PUS7: variants seen among roughly 807,000 people sequenced by gnomAD.
PUS7 encodes pseudouridylate synthase 7 homolog.
Under a neutral mutation model 79.8 loss-of-function variants are expected in PUS7, and 48 were observed. That is an observed-to-expected ratio of 0.60 (90% CI 0.48 to 0.76). The LOEUF (loss-of-function observed/expected upper bound fraction) is 0.76. Ranked by LOEUF, PUS7 falls within the 30% of genes least tolerant of loss-of-function variation. The probability of loss-of-function intolerance (pLI) is 0.00; values close to 1 mark genes in which losing one functional copy is unlikely to be tolerated. For synonymous variants in PUS7, 286 were observed against 272.2 expected, an observed-to-expected ratio of 1.05 and a Z score of -0.50; for missense variants, 729 against 797.6, an observed-to-expected ratio of 0.91 and a Z score of 1.04.
chr7:105,493,283 G>T (rs1393511631), intron 6 of PUS7, among the ~76,000 whole-genome samples: 2 of 152,208 alleles, frequency 1.3e-5, no homozygotes, highest in Non-Finnish European at 2.9e-5. Context: ...AGTTAACTAA[G>T]AAGTATTTTA....
At chr7:105,515,791 T>TTTTTTTTATTTA (rs1554353689) in intron 1 of PUS7, among the ~76,000 whole-genome samples, 2 of 121,240 alleles carry the variant, frequency 1.6e-5, no homozygotes, top group African/African-American at 6.4e-5. Flanking sequence ...TTTTATTTTA[T>TTTTTTTTATTTA]TTTATTTATT....
rs529240698 is a variant in PUS7 at position 105,475,416 on chromosome 7, A to C, written c.1176-3223T>G. ...TAGCCAGGATGGTCTCGATCTCCTG[A>C]CCTTGTGATCTGCCCCCCTTGGCCT... On this transcript the variant is annotated intron_variant, in intron 9 of 15. Transcript: ENST00000469408. Among the ~76,000 whole-genome samples the C allele has an allele frequency of 3.9e-5, 6 of 151,932 alleles. No homozygotes were observed. The South Asian group carries it at 1.2e-3, about 32-fold the overall frequency.
chr7:105,506,475 T>G (rs1343150825), intron 2 of PUS7, among the ~76,000 whole-genome samples: 2 of 151,214 alleles, frequency 1.3e-5, no homozygotes, highest in South Asian at 2.1e-4. Context: ...TAGGCTGGAG[T>G]GCAGTGGCTC....
intron 7 of PUS7, 88 bp downstream of exon 7, chr7:105,491,452 A>C: frequency 1.2e-6 from 1 of 801,992 alleles, no homozygotes. Flanking sequence ...TAAAGCTGAG[A>C]GAGAAACCCC....
intron 14 of PUS7, among the ~76,000 whole-genome samples, chr7:105,461,315 T>A (rs1401245904): frequency 1.3e-5 from 2 of 152,238 alleles, no homozygotes; most frequent in Admixed American, 6.5e-5. Flanking sequence ...ATTTCTTCAA[T>A]AATTCAGTGA....
intron 1 of PUS7, among the ~76,000 whole-genome samples, chr7:105,511,306 T>C (rs113982057): frequency 2.6e-5 from 4 of 151,600 alleles, no homozygotes; most frequent in African/African-American, 9.7e-5. Flanking sequence ...GTGCTGAGAT[T>C]ACAGGCGTGA....
rs866732772 is a variant in PUS7, at chr7:105,496,230, G to T, written c.731-977C>A. Among the ~76,000 whole-genome samples, 115 of 36,478 alleles carry T rather than the reference G, an allele frequency of 3.2e-3. 1 individual carries two copies. Among genetic ancestry groups the T allele is most frequent in the East Asian group, 0.027 (29 of 1,058 alleles). 23.9% of individuals were successfully genotyped at this position (36,478 alleles called of 152,430 possible). A position where few individuals can be genotyped will look rare whatever the true frequency, so the allele number is the denominator to read the frequency against. ...ATATATATATATATATATATATAGAGAGAGAGAGAGAGAGAGAGAGAGAGG... is the reference window on the plus strand; with the variant it reads ...ATATATATATATATATATATATAGATAGAGAGAGAGAGAGAGAGAGAGAGG... On this transcript the variant is annotated intron_variant, in intron 5 of 15. Transcript: ENST00000469408.
At chr7:105,488,223 T>G (rs1824634336) in intron 7 of PUS7, among the ~76,000 whole-genome samples, 1 of 152,144 alleles carries the variant, frequency 6.6e-6, no homozygotes, top group Admixed American at 6.6e-5. Context: ...CTTCAACTAT[T>G]CTAAGACTTC....
At chr7:105,499,166 T>C (rs1225723612) in intron 5 of PUS7, among the ~76,000 whole-genome samples, 4 of 152,256 alleles carry the variant, frequency 2.6e-5, no homozygotes, top group Non-Finnish European at 4.4e-5. Context: ...GCTAAACTGA[T>C]AGACAGGTTT....
chr7:105,505,141 C>T (rs926170204), intron 4 of PUS7, among the ~76,000 whole-genome samples: 8 of 151,642 alleles, frequency 5.3e-5, no homozygotes, highest in Non-Finnish European at 1.2e-4. Context: ...GCTGGGACTA[C>T]AGGCCTGCGC....
At chr7:105,495,319 T>A (rs953204897) in intron 5 of PUS7, 66 bp from the exon 6 acceptor site, 1 of 919,960 alleles carries the variant, frequency 1.1e-6, no homozygotes, top group East Asian at 2.4e-5. Context: ...GAGCTCATTT[T>A]TCGCTATAGA....
In PUS7 at chr7:105,486,775, C is replaced by G. The variant is rs578044011; in HGVS notation, c.921-4335G>C. On this transcript the variant is annotated intron_variant, in intron 7 of 15. Transcript: ENST00000469408. ...TAAAGTTAACATAATATAAAATTCACAAGGCTGGGCATGGTGGCTCACGCC... is the reference window on the plus strand; with the variant it reads ...TAAAGTTAACATAATATAAAATTCAGAAGGCTGGGCATGGTGGCTCACGCC... 5.9e-5 allele frequency among the ~76,000 whole-genome samples: 9 copies of G among 151,716 alleles called. No individual in the cohort carries two copies. The South Asian group carries it at 1.9e-3, about 32-fold the overall frequency.
At chr7:105,505,640 T>A (rs1351055429) in intron 4 of PUS7, among the ~76,000 whole-genome samples, 1 of 152,184 alleles carries the variant, frequency 6.6e-6, no homozygotes, top group Non-Finnish European at 1.5e-5. Flanking sequence ...TCCAGGCTAG[T>A]CTCCAATTCC....
At chr7:105,485,021 C>A (rs907456728) in intron 7 of PUS7, among the ~76,000 whole-genome samples, 1 of 151,804 alleles carries the variant, frequency 6.6e-6, no homozygotes, top group Non-Finnish European at 1.5e-5. Context: ...CACCACCATG[C>A]CTGGCCAATT....
intron 1 of PUS7, among the ~76,000 whole-genome samples, chr7:105,516,573 C>T (rs1825903890): frequency 1.3e-5 from 2 of 152,044 alleles, no homozygotes; most frequent in African/African-American, 4.8e-5. Context: ...CCTGCCTCAG[C>T]TTCCTGAGTA....
chr7:105,459,922 T>G (rs1823346621), intron 14 of PUS7, among the ~76,000 whole-genome samples: 1 of 152,018 alleles, frequency 6.6e-6, no homozygotes, highest in African/African-American at 2.4e-5. Context: ...ATAATTAAAA[T>G]TTTAAAAATG....
intron 6 of PUS7, among the ~76,000 whole-genome samples, chr7:105,494,547 C>CT (rs1824926787): frequency 6.6e-6 from 1 of 151,762 alleles, no homozygotes; most frequent in Non-Finnish European, 1.5e-5. Flanking sequence ...GCAGCTAACA[C>CT]TACAGGCACA....
intron 7 of PUS7, among the ~76,000 whole-genome samples, chr7:105,488,766 A>C (rs1824655741): frequency 6.6e-6 from 1 of 152,234 alleles, no homozygotes; most frequent in Admixed American, 6.5e-5. Flanking sequence ...AGTCCCTCAA[A>C]AAATATATAC....
Position 105,491,633 on chromosome 7 carries a change from C to A in PUS7, c.843-16G>T. On this transcript the variant is annotated splice_polypyrimidine_tract_variant and intron_variant, in intron 6 of 15. Coordinates refer to ENST00000469408, the MANE Select transcript of PUS7 (RefSeq NM_019042.5). The stretch of plus-strand genomic sequence containing the variant: ...TGGCTTGACTCTGGTAAGAGAGAAA[C>A]AAGATCATCTGAAGTCACATACTGT... The A allele has an allele frequency of 6.9e-7, 1 of 1,456,138 alleles. No homozygotes were observed. Among genetic ancestry groups the A allele is most frequent in the African/African-American group, 1.4e-5 (1 of 71,320 alleles). The allele number at this position is 1,456,138 out of a possible 1,614,324, so 90.2% of individuals were successfully genotyped here. A position where few individuals can be genotyped will look rare whatever the true frequency, so the allele number is the denominator to read the frequency against.
Sources: allele counts gnomAD v4.1 joint callset (sites outside exome capture counted in the v4.1 genomes callset), GRCh38; gene constraint gnomAD v4.1.1; transcripts MANE v1.5; gene names NCBI Gene and HGNC (gene_info 2026-07-23, HGNC 2026-07-21).